The following ZNF746 variants were observed in gnomAD, a reference collection of about 807,000 sequenced individuals.
ZNF746 encodes zinc finger protein 746, also known as parkin-interacting substrate.
Under a neutral mutation model 41.0 loss-of-function variants are expected in ZNF746, and 13 were observed. The ratio of observed to expected loss-of-function variants is 0.32; its 90% confidence interval spans 0.21 to 0.50. The LOEUF (loss-of-function observed/expected upper bound fraction) is 0.50. Among genes scored for constraint, ZNF746 ranks in the 20% least tolerant of loss-of-function variants. The probability of loss-of-function intolerance (pLI) is 0.98; values close to 1 mark genes in which losing one functional copy is unlikely to be tolerated. For missense variants in ZNF746, 811 were observed against 922.9 expected (o/e 0.88, Z 1.57); for synonymous variants, 424 against 396.2 (o/e 1.07, Z -0.83).
At chr7:149,496,283 C>T (rs1800994215) in intron 1 of ZNF746, among the ~76,000 whole-genome samples, 1 of 152,222 alleles carries the variant, frequency 6.6e-6, no homozygotes, top group South Asian at 2.1e-4. Context: ...GTAAGGTCTT[C>T]ACACTATGTG....
chr7:149,485,213 AAAACTTCATTGCGACACTATAGAC>A (rs1191122759), intron 4 of ZNF746, among the ~76,000 whole-genome samples: 3 of 152,170 alleles, frequency 2.0e-5, no homozygotes, highest in Non-Finnish European at 4.4e-5. Flanking sequence ...ACCTTAATAT[AAAACTTCATTGCGACACTATAGAC>A]AAACCAAATG....
In ZNF746 at chr7:149,497,401, G is replaced by A. The variant is rs1002687978; in HGVS notation, c.24+112C>T. ...CATTCGCGGGAGCCCCAGGCCCGGT[G>A]GTCCGGCCCGGACCCCGGAACCCCT... On this transcript the variant is annotated intron_variant, in intron 1 of 6. Coordinates refer to ENST00000458143, the MANE Select transcript of ZNF746 (RefSeq NM_001394198.1). The surrounding 1 kb of genome is among the most constrained non-coding windows in gnomAD (Gnocchi z 4.2). 1 of 1,007,990 alleles carries A rather than the reference G, an allele frequency of 9.9e-7. No homozygotes were observed. The highest frequency in any genetic ancestry group is 1.2e-6 in the Non-Finnish European group (1 of 840,462). The allele number at this position is 1,007,990 out of a possible 1,614,324, so 62.4% of individuals were successfully genotyped here.
intron 4 of ZNF746, among the ~76,000 whole-genome samples, chr7:149,485,559 TACA>T (rs1398045051): frequency 2.6e-5 from 4 of 152,204 alleles, no homozygotes; most frequent in Non-Finnish European, 5.9e-5. Context: ...ACTGGTGTAC[TACA>T]ACATTGAAGA....
Position 149,474,903 on chromosome 7 carries a change from C to A in ZNF746, c.1464G>T (p.Gln488His). The change falls in exon 7 of 7, where the codon CAG (glutamine) becomes CAT (histidine). Residue 488 changes from glutamine (Q) to histidine (H), a missense_variant. Physicochemically the swap from Gln to His is conservative, Grantham distance 24. Coordinates refer to ENST00000458143, the MANE Select transcript of ZNF746 (RefSeq NM_001394198.1). This position sits in a 1 kb window ranked among gnomAD's most constrained non-coding sequence, Gnocchi z 6.3. The part of the protein sequence containing the change: ...FQLQVSLSAH[Q>H]RSCGAPDGSG... ...ACCCGTCGGGCGCCCCACAGCTGCG[C>A]TGGTGCGCGCTCAGGCTGACTTGCA... 6.5e-7 allele frequency: 1 copy of A among 1,536,556 alleles called. No individual in the cohort carries two copies. Among genetic ancestry groups the A allele is most frequent in the Non-Finnish European group, 8.7e-7 (1 of 1,145,534 alleles).
intron 4 of ZNF746, chr7:149,489,096 C>T (rs939790728): frequency 2.0e-5 from 3 of 151,840 alleles, no homozygotes; most frequent in Non-Finnish European, 4.4e-5. Flanking sequence ...CACAAAAAAC[C>T]GTATTATATA....
At chr7:149,481,291 C>T (rs765874433) in intron 4 of ZNF746, among the ~76,000 whole-genome samples, 7 of 152,188 alleles carry the variant, frequency 4.6e-5, no homozygotes, top group Non-Finnish European at 1.0e-4. Context: ...ACCAAAATCC[C>T]ACAATACTCA....
chr7:149,477,490 C>T, intron 5 of ZNF746, 74 bp downstream of exon 5: 1 of 1,491,672 alleles, frequency 6.7e-7, no homozygotes, highest in Non-Finnish European at 9.1e-7. Flanking sequence ...CTCCCCCATG[C>T]TGCCACGAGC....
Position 149,475,457 on chromosome 7 carries a change from C to G in ZNF746, c.910G>C (p.Glu304Gln), listed in dbSNP as rs1295531267. The G allele has an allele frequency of 6.2e-7, 1 of 1,612,742 alleles. No individual in the cohort carries two copies. The highest frequency in any genetic ancestry group is 1.7e-5 in the Admixed American group (1 of 59,880). Residue 304 changes from glutamate (E) to glutamine (Q), a missense_variant, in exon 7 of 7, where the codon GAA becomes CAA. Coordinates refer to ENST00000458143, the MANE Select transcript of ZNF746 (RefSeq NM_001394198.1). ...GCCACCACCTCCTCTTCCTGGACTT[C>G]TGTTTTTATTACAATTTTTACATCT... ...EADVKIVIKT[E>Q]VQEEEVVATP...
rs1800210811 is a variant in ZNF746 at position 149,474,444 on chromosome 7, A to G, written c.1923T>C (p.Leu641=). 1.2e-6 allele frequency: 2 copies of G among 1,611,622 alleles called. No homozygotes were observed. Among genetic ancestry groups the G allele is most frequent in the Non-Finnish European group, 1.7e-6 (2 of 1,178,976 alleles). ...TGAGGCCACAAGTCCAGTCGGTCAC[A>G]AGGTCTGTGGAGGCCAAAGGTCCTT... The part of the protein sequence containing the change: ...ASKGPLASTD[L]VTDWTCGLSV... The change falls in exon 7 of 7, where the codon CTT becomes CTC. Residue 641 remains leucine (L), a synonymous_variant. Transcript: ENST00000458143. This position sits in a 1 kb window ranked among gnomAD's most constrained non-coding sequence, Gnocchi z 6.3.
At chr7:149,496,999 A>G (rs1562995492) in intron 1 of ZNF746, 1 of 985,232 alleles carries the variant, frequency 1.0e-6, no homozygotes, top group Non-Finnish European at 1.2e-6. Context: ...GTGAGGACAG[A>G]CTAACGCCTC....
Position 149,494,121 on chromosome 7 carries a change from A to C in ZNF746, c.325-6T>G. 6.2e-7 allele frequency: 1 copy of C among 1,614,150 alleles called. No individual in the cohort carries two copies. Among genetic ancestry groups the C allele is most frequent in the Non-Finnish European group, 8.5e-7 (1 of 1,180,026 alleles). On this transcript the variant is annotated splice_polypyrimidine_tract_variant and splice_region_variant and intron_variant, in intron 2 of 6. Transcript: ENST00000458143. This position sits in a 1 kb window ranked among gnomAD's most constrained non-coding sequence, Gnocchi z 5.6. ...TCATCAAAGGTCACGGGCACCTGGA[A>C]CCACAAGTGTCACACTCGCTCACCC... is the stretch of plus-strand genomic sequence containing the variant.
At position 149,489,248 on chromosome 7, in the gene ZNF746, C is replaced by T. The variant is rs1800720629; in HGVS notation, c.565+3611G>A. On this transcript the variant is annotated intron_variant, in intron 4 of 6. Coordinates refer to ENST00000458143, the MANE Select transcript of ZNF746 (RefSeq NM_001394198.1). ...ATACATTATTTCACACACACACACA[C>T]ACACACACACACACACACACACACA... The T allele has an allele frequency of 2.7e-5, 4 of 146,400 alleles. No homozygotes were observed. The South Asian group carries it at 8.6e-4, about 31-fold the overall frequency. The allele number at this position is 146,400 out of a possible 1,614,324, so 9.1% of individuals were successfully genotyped here. A position where few individuals can be genotyped will look rare whatever the true frequency, so the allele number is the denominator to read the frequency against.
At position 149,473,698 on chromosome 7, in the gene ZNF746, A is replaced by T. The variant is rs1185032270; in HGVS notation, c.*686T>A. On this transcript the variant is annotated 3_prime_UTR_variant, in exon 7 of 7. Transcript: ENST00000458143. ...TCCTTATGAGGCCAGGGAGTCACAC[A>T]CTAGGGGACACCACCAAGTGCCCTT... The T allele has an allele frequency of 6.5e-6, 1 of 154,264 alleles. No homozygotes were observed. Among genetic ancestry groups the T allele is most frequent in the Non-Finnish European group, 1.4e-5 (1 of 69,214 alleles). The allele number at this position is 154,264 out of a possible 1,614,324, so 9.6% of individuals were successfully genotyped here.
rs1045761747 is a variant in ZNF746, at chr7:149,473,941, C to T, written c.*443G>A. The stretch of plus-strand genomic sequence containing the variant: ...CCCAACTGGGCAGAGCAGGGGCACA[C>T]ACAGGACCCCATCCCCAGGAGTCAG... On this transcript the variant is annotated 3_prime_UTR_variant, in exon 7 of 7. Transcript: ENST00000458143. 2.0e-5 allele frequency: 5 copies of T among 244,530 alleles called. No individual in the cohort carries two copies. The highest frequency in any genetic ancestry group is 3.2e-5 in the Non-Finnish European group (4 of 123,930). 15.1% of individuals were successfully genotyped at this position (244,530 alleles called of 1,614,324 possible).
chr7:149,477,733 G>A lies in ZNF746; in HGVS notation c.588C>T (p.Ala196=), dbSNP rs1472650937. 2 of 1,608,366 alleles carry A rather than the reference G, an allele frequency of 1.2e-6. No homozygotes were observed. Among genetic ancestry groups the A allele is most frequent in the African/African-American group, 2.7e-5 (2 of 74,800 alleles). ...GCTTGATCTGCATCAAGAGGTCTGGGGCGGGAACTGGGGGCCCCGAGCCTA... is the reference window on the plus strand; with the variant it reads ...GCTTGATCTGCATCAAGAGGTCTGGAGCGGGAACTGGGGGCCCCGAGCCTA... ...PSPGSGPPVP[A]PDLLMQIKQE... The change falls in exon 5 of 7, where the codon GCC becomes GCT. Residue 196 remains alanine (A), a synonymous_variant. Transcript: ENST00000458143.
At chr7:149,476,751 T>C (rs940801350) in intron 6 of ZNF746, among the ~76,000 whole-genome samples, 171 bp downstream of exon 6, 3 of 152,162 alleles carry the variant, frequency 2.0e-5, no homozygotes, top group Non-Finnish European at 2.9e-5. Context: ...ACACCTATGA[T>C]TTGGCAAGGA....
intron 4 of ZNF746, among the ~76,000 whole-genome samples, chr7:149,483,643 T>C (rs565964104): frequency 3.3e-5 from 5 of 151,136 alleles, no homozygotes; most frequent in African/African-American, 1.2e-4. Context: ...AGGTCAAAAA[T>C]TAATGGGTTA....
At chr7:149,483,766 G>A (rs1800547867) in intron 4 of ZNF746, among the ~76,000 whole-genome samples, 2 of 152,102 alleles carry the variant, frequency 1.3e-5, no homozygotes, top group Non-Finnish European at 2.9e-5. Context: ...GACAAAGATA[G>A]AATATAGTTA....
chr7:149,477,793 G>A, intron 4 of ZNF746, 38 bp from the exon 5 acceptor site: 1 of 1,529,430 alleles, frequency 6.5e-7, no homozygotes, highest in Non-Finnish European at 8.9e-7. Context: ...CAGCATCACG[G>A]CCCCTCAGCC....
Sources: allele counts gnomAD v4.1 joint callset (sites outside exome capture counted in the v4.1 genomes callset), GRCh38; gene constraint gnomAD v4.1.1; non-coding constraint Gnocchi (gnomAD v3.1); transcripts MANE v1.5; gene names NCBI Gene and HGNC (gene_info 2026-07-23, HGNC 2026-07-21).